The following OPCML variants were observed in gnomAD, a reference collection of about 807,000 sequenced individuals.
OPCML encodes the protein opioid-binding protein/cell adhesion molecule.
OPCML carries 13 observed loss-of-function variants against 37.8 expected under a neutral mutation model. That is an observed-to-expected ratio of 0.34 (90% CI 0.22 to 0.55). The LOEUF (loss-of-function observed/expected upper bound fraction) is 0.55, where lower values mean the gene tolerates loss of function less well. Ranked by LOEUF, OPCML falls within the 20% of genes least tolerant of loss-of-function variation. The probability of loss-of-function intolerance (pLI) is 0.91; values close to 1 mark genes in which losing one functional copy is unlikely to be tolerated. For missense variants in OPCML, 341 were observed against 435.6 expected, an observed-to-expected ratio of 0.78 and a Z score of 1.93; for synonymous variants, 176 against 168.8, an observed-to-expected ratio of 1.04 and a Z score of -0.33.
chr11:133,396,466 A>T (rs1178934099), intron 1 of OPCML, among the ~76,000 whole-genome samples: 3 of 151,956 alleles, frequency 2.0e-5, no homozygotes, highest in Non-Finnish European at 2.9e-5. Flanking sequence ...TGGCTAAGGG[A>T]CACGATTTGT....
At chr11:132,921,312 G>A (rs11604350) in intron 2 of OPCML, among the ~76,000 whole-genome samples, 368 of 152,278 alleles carry the variant, frequency 2.4e-3, no homozygotes, top group Non-Finnish European at 4.5e-3. Context: ...ATGGACGTGC[G>A]TTCTTTGGTT....
intron 1 of OPCML, among the ~76,000 whole-genome samples, chr11:133,029,143 G>A (rs553353371): frequency 5.3e-5 from 8 of 152,278 alleles, no homozygotes; most frequent in African/African-American, 1.9e-4. Context: ...TTAGAGAAAT[G>A]CAAATCAGAA....
At chr11:132,737,403 C>T (rs754016872) in intron 2 of OPCML, among the ~76,000 whole-genome samples, 5 of 152,088 alleles carry the variant, frequency 3.3e-5, no homozygotes, top group Admixed American at 3.3e-4. Flanking sequence ...CTTTTCGACA[C>T]ATCATATAGT....
chr11:133,478,819 T>C (rs180685308), intron 1 of OPCML, among the ~76,000 whole-genome samples: 2 of 148,146 alleles, frequency 1.4e-5, no homozygotes, highest in East Asian at 3.9e-4. Context: ...CCTTGAGAAC[T>C]GATGCTGTAA....
intron 2 of OPCML, among the ~76,000 whole-genome samples, chr11:132,799,223 C>CTT (rs1938504054): frequency 6.6e-6 from 1 of 152,114 alleles, no homozygotes; most frequent in Non-Finnish European, 1.5e-5. Context: ...TTGAAAATCT[C>CTT]TTGTTGAGTG....
intron 3 of OPCML, among the ~76,000 whole-genome samples, chr11:132,579,862 C>T (rs192421430): frequency 1.3e-5 from 2 of 152,274 alleles, no homozygotes; most frequent in East Asian, 3.9e-4. Context: ...TTGTCTTAGT[C>T]CTTAAGGGGA....
intron 1 of OPCML, among the ~76,000 whole-genome samples, chr11:133,147,190 C>T (rs550446734): frequency 3.3e-5 from 5 of 152,230 alleles, no homozygotes; most frequent in Admixed American, 3.3e-4. Flanking sequence ...GGCTGATAGG[C>T]AGTGCCACTT....
At chr11:133,465,144 G>C (rs1046542933) in intron 1 of OPCML, among the ~76,000 whole-genome samples, 2 of 152,124 alleles carry the variant, frequency 1.3e-5, no homozygotes, top group Non-Finnish European at 2.9e-5. Context: ...CCTTCTGAAG[G>C]CTTCAAGAGA....
intron 1 of OPCML, among the ~76,000 whole-genome samples, chr11:133,307,339 T>C (rs1423305507): frequency 6.6e-6 from 1 of 152,188 alleles, no homozygotes; most frequent in Non-Finnish European, 1.5e-5. Context: ...GTTATGTAGC[T>C]GGTCATGCAT....
intron 2 of OPCML, among the ~76,000 whole-genome samples, chr11:132,891,672 G>C (rs574739540): frequency 1.4e-4 from 21 of 152,306 alleles, no homozygotes; most frequent in African/African-American, 4.8e-4. Context: ...GCCTGGCACA[G>C]AGCAAGTGCT....
At chr11:133,305,201 G>A (rs956846898) in intron 1 of OPCML, among the ~76,000 whole-genome samples, 1 of 152,108 alleles carries the variant, frequency 6.6e-6, no homozygotes, top group Non-Finnish European at 1.5e-5. Context: ...TAGCAGACAC[G>A]AAGCAGGCAC....
At chr11:133,528,673 T>A (rs1420157410) in intron 1 of OPCML, among the ~76,000 whole-genome samples, 4 of 152,210 alleles carry the variant, frequency 2.6e-5, no homozygotes. Flanking sequence ...GGGGATTTTC[T>A]ATCCAAGCCC....
At chr11:132,899,164 AAAT>A (rs1198047566) in intron 2 of OPCML, among the ~76,000 whole-genome samples, 2 of 152,184 alleles carry the variant, frequency 1.3e-5, no homozygotes, top group African/African-American at 2.4e-5. Flanking sequence ...GCTGCAGGTA[AAAT>A]AATACAGAAT....
At chr11:132,606,233 CT>C (rs954114858) in intron 3 of OPCML, among the ~76,000 whole-genome samples, 3 of 152,138 alleles carry the variant, frequency 2.0e-5, no homozygotes, top group African/African-American at 7.2e-5. Context: ...ATCTTCAGCT[CT>C]TTGGCTTTCT....
At chr11:132,929,358 T>C (rs994381346) in intron 2 of OPCML, among the ~76,000 whole-genome samples, 1 of 152,060 alleles carries the variant, frequency 6.6e-6, no homozygotes, top group Non-Finnish European at 1.5e-5. Context: ...AATGGCCAAA[T>C]TTCTAGAAAG....
intron 2 of OPCML, among the ~76,000 whole-genome samples, chr11:132,682,228 G>A (rs185842205): frequency 8.5e-5 from 13 of 152,124 alleles, no homozygotes; most frequent in Non-Finnish European, 1.8e-4. Context: ...AGGCACCCTC[G>A]TCATGAGGCC....
intron 1 of OPCML, among the ~76,000 whole-genome samples, chr11:133,357,479 C>A (rs966934625): frequency 6.6e-6 from 1 of 152,176 alleles, no homozygotes; most frequent in Admixed American, 6.5e-5. Context: ...CAGTTCTTGG[C>A]AACAGCTCAC....
intron 2 of OPCML, among the ~76,000 whole-genome samples, chr11:132,904,392 T>C (rs539632680): frequency 6.6e-6 from 1 of 150,516 alleles, no homozygotes; most frequent in East Asian, 1.9e-4. Flanking sequence ...GCTAAATTAT[T>C]TCTCCATCTC....
chr11:132,682,790 AT>A (rs1285933738), intron 2 of OPCML, among the ~76,000 whole-genome samples: 1 of 152,154 alleles, frequency 6.6e-6, no homozygotes, highest in African/African-American at 2.4e-5. Context: ...ATAGATACTA[AT>A]TTCTATTCTA....
Sources: gnomAD v4.1 joint callset for allele counts (sites outside exome capture counted in the v4.1 genomes callset) on GRCh38, gnomAD v4.1.1 for gene constraint, MANE v1.5 for transcripts, NCBI Gene and HGNC (gene_info 2026-07-23, HGNC 2026-07-21) for gene names.